KNTC1: variants seen among roughly 807,000 people sequenced by gnomAD.
The protein encoded by KNTC1 is kinetochore associated 1, also known as kinetochore-associated protein 1.
In KNTC1, 253 loss-of-function variants were observed where a neutral mutation model predicts 314.4. The ratio of observed to expected loss-of-function variants is 0.80; its 90% CI spans 0.73 to 0.89. The LOEUF (loss-of-function observed/expected upper bound fraction) is 0.89, where lower values mean the gene tolerates loss of function less well. Ranked by LOEUF, KNTC1 falls within the 40% of genes least tolerant of loss-of-function variation. The probability of loss-of-function intolerance (pLI) is 0.00; values close to 1 mark genes in which losing one functional copy is unlikely to be tolerated. For synonymous variants in KNTC1, 901 were observed against 901.4 expected, an observed-to-expected ratio of 1.00 and a Z score of 0.01; for missense variants, 2,475 against 2,572.9, an observed-to-expected ratio of 0.96 and a Z score of 0.82.
chr12:122,534,901 A>G (rs1961663578), intron 3 of KNTC1, 117 bp downstream of exon 3: 1 of 971,970 alleles, frequency 1.0e-6, no homozygotes, highest in Non-Finnish European at 1.5e-6. Flanking sequence ...AAATTAGACC[A>G]ATTTCAAGTA....
At chr12:122,555,613 G>C (rs1170754192) in intron 16 of KNTC1, among the ~76,000 whole-genome samples, 1 of 151,982 alleles carries the variant, frequency 6.6e-6, no homozygotes, top group Non-Finnish European at 1.5e-5. Context: ...ACCTTGGAAG[G>C]CCAGGGCGGG....
intron 16 of KNTC1, among the ~76,000 whole-genome samples, chr12:122,556,447 T>C (rs1413858236): frequency 6.6e-6 from 1 of 151,538 alleles, no homozygotes; most frequent in East Asian, 1.9e-4. Flanking sequence ...CTCCCGCCCC[T>C]TCCCCTGGGC....
At chr12:122,599,956 C>T (rs1244874471) in intron 44 of KNTC1, among the ~76,000 whole-genome samples, 1 of 152,082 alleles carries the variant, frequency 6.6e-6, no homozygotes, top group Non-Finnish European at 1.5e-5. Context: ...GAGGTCAAGG[C>T]TGCAGTGAGT....
chr12:122,530,997 G>A (rs1455085961), intron 2 of KNTC1, among the ~76,000 whole-genome samples: 1 of 151,548 alleles, frequency 6.6e-6, no homozygotes, highest in Admixed American at 6.6e-5. Context: ...TTAGCTGGGT[G>A]TGGTGGCATG....
chr12:122,554,076 A>AAAAAAATATATATATATATATATAT (rs370146333), intron 16 of KNTC1, among the ~76,000 whole-genome samples: 2 of 109,062 alleles, frequency 1.8e-5, no homozygotes, highest in African/African-American at 7.8e-5. Context: ...AAAAAAAAAA[A>AAAAAAATATATATATATATATATAT]ATATATATAT....
chr12:122,585,085 T>C (rs532017295), intron 36 of KNTC1, 95 bp downstream of exon 36: 6 of 694,344 alleles, frequency 8.6e-6, no homozygotes, highest in Middle Eastern at 3.7e-4. Flanking sequence ...TCACCCAGGC[T>C]GGAGTGCAGT....
rs1870731386 is a variant in KNTC1, at chr12:122,594,293, T to C, written c.4263T>C (p.Val1421=). 1 of 1,604,974 alleles carries C rather than the reference T, an allele frequency of 6.2e-7. No homozygotes were observed. Among genetic ancestry groups the C allele is most frequent in the Non-Finnish European group, 8.5e-7 (1 of 1,172,676 alleles). The change falls in exon 43 of 64, where the codon GTT becomes GTC. Residue 1421 remains valine, a synonymous_variant. Coordinates refer to ENST00000333479, the MANE Select transcript of KNTC1 (RefSeq NM_014708.6). ...ATTTCTAGATTTCTTTTCAACCAGT[T>C]TTCAGGCAACATTTTCTCACCAAGA... ...LGKLGISFQP[V]FRQHFLTKKD... is the part of the protein sequence containing the mutation.
intron 13 of KNTC1, 69 bp downstream of exon 13, chr12:122,549,933 T>C: frequency 4.8e-6 from 4 of 829,996 alleles, no homozygotes; most frequent in Non-Finnish European, 7.8e-6. Flanking sequence ...TAATCAGGGA[T>C]GATTAAAAGC....
At chr12:122,564,321 T>C (rs778633706) in intron 20 of KNTC1, among the ~76,000 whole-genome samples, 17 of 152,138 alleles carry the variant, frequency 1.1e-4, no homozygotes, top group Non-Finnish European at 1.6e-4. Flanking sequence ...TTTCTGATGA[T>C]AGCAACAATA....
At position 122,546,220 on chromosome 12, in the gene KNTC1, C is replaced by T. The variant is rs371966677; in HGVS notation, c.714C>T (p.Ser238=). 1 of 1,609,314 alleles carries T rather than the reference C, an allele frequency of 6.2e-7. No individual in the cohort carries two copies. Among genetic ancestry groups the T allele is most frequent in the African/African-American group, 1.3e-5 (1 of 74,742 alleles). Residue 238 remains serine, a synonymous_variant, in exon 9 of 64, where the codon TCC becomes TCT. Coordinates refer to ENST00000333479, the MANE Select transcript of KNTC1 (RefSeq NM_014708.6). ...CAFSKWEPDS[S]KKGMTVKNLI... Reference sequence around the variant, plus strand: ...TCTCAAAATGGGAACCAGATTCTTCCAAGAAAGGAATGACAGTTAAGAACC... The same window carrying T: ...TCTCAAAATGGGAACCAGATTCTTCTAAGAAAGGAATGACAGTTAAGAACC...
chr12:122,544,879 G>A (rs1962642700), intron 8 of KNTC1, among the ~76,000 whole-genome samples: 1 of 152,190 alleles, frequency 6.6e-6, no homozygotes, highest in Admixed American at 6.5e-5. Context: ...TTAGAGAATG[G>A]TCCTAAAGAG....
intron 18 of KNTC1, 23 bp downstream of exon 18, chr12:122,557,712 T>C (rs1371987336): frequency 6.4e-7 from 1 of 1,574,278 alleles, no homozygotes; most frequent in Admixed American, 1.8e-5. Flanking sequence ...TTTTGTATTT[T>C]GTTTTTTTGG....
Position 122,558,721 on chromosome 12 carries a change from T to C in KNTC1, c.1488+1032T>C, listed in dbSNP as rs949406422. 3.3e-5 allele frequency among the ~76,000 whole-genome samples: 5 copies of C among 150,328 alleles called. No individual in the cohort carries two copies. In the East Asian group the frequency reaches 6.0e-4, roughly 18 times the overall value. On this transcript the variant is annotated intron_variant, in intron 18 of 63. Transcript: ENST00000333479. ...TGAAACCCCATCTCTACTAAAAATA[T>C]AAAAATGAGCTGGGTGTGGTGGTGC... is the stretch of plus-strand genomic sequence containing the variant.
At chr12:122,550,621 G>C (rs922591723) in intron 13 of KNTC1, among the ~76,000 whole-genome samples, 3 of 152,046 alleles carry the variant, frequency 2.0e-5, no homozygotes, top group Non-Finnish European at 4.4e-5. Context: ...TCCTGCTTCA[G>C]CCTCCTGAGT....
rs146677327 is a variant in KNTC1 at position 122,589,940 on chromosome 12, C to T, written c.4000-667C>T. On this transcript the variant is annotated intron_variant, in intron 40 of 63. Transcript: ENST00000333479. ...GTGGGACTACAGGTGCCCACCACCA[C>T]GCCTGGCTAATTTTTGGTATTTTTA... Among the ~76,000 whole-genome samples the T allele has an allele frequency of 7.1e-3, 1,082 of 151,918 alleles. 6 individuals carry two copies. Among genetic ancestry groups the T allele is most frequent in the Non-Finnish European group, 0.011 (762 of 67,948 alleles).
Position 122,538,459 on chromosome 12 carries a change from G to A in KNTC1, c.366+5G>A, listed in dbSNP as rs1280647536. The A allele has an allele frequency of 7.1e-7, 1 of 1,412,984 alleles. No homozygotes were observed. Among genetic ancestry groups the A allele is most frequent in the Non-Finnish European group, 9.7e-7 (1 of 1,028,516 alleles). 87.5% of individuals were successfully genotyped at this position (1,412,984 alleles called of 1,614,324 possible). On this transcript the variant is annotated splice_donor_5th_base_variant and intron_variant, in intron 4 of 63. Coordinates refer to ENST00000333479, the MANE Select transcript of KNTC1 (RefSeq NM_014708.6). ...AAACAAACACTACTCACTAATGTAA[G>A]ATCTTGTTGTATTTTAATTTTCATT...
intron 7 of KNTC1, among the ~76,000 whole-genome samples, 161 bp from the exon 8 acceptor site, chr12:122,543,998 G>A (rs1174539269): frequency 2.7e-5 from 4 of 149,888 alleles, no homozygotes; most frequent in African/African-American, 4.9e-5. Flanking sequence ...GTGGTGAGCC[G>A]AGATTGCGCC....
intron 60 of KNTC1, among the ~76,000 whole-genome samples, chr12:122,621,130 A>G (rs1874387325): frequency 6.6e-6 from 1 of 152,218 alleles, no homozygotes; most frequent in African/African-American, 2.4e-5. Context: ...TGTGGGAGAT[A>G]GAAGAGGGGG....
chr12:122,619,026 GTTTTGTTTTTTGTT>G (rs373238724), intron 59 of KNTC1, among the ~76,000 whole-genome samples: 8 of 150,222 alleles, frequency 5.3e-5, no homozygotes, highest in Non-Finnish European at 1.0e-4. Flanking sequence ...AGCAACACTT[GTTTTGTTTTTTGTT>G]TTTTGTTTTT....
Sources: gnomAD v4.1 joint callset for allele counts (sites outside exome capture counted in the v4.1 genomes callset) on GRCh38, gnomAD v4.1.1 for gene constraint, MANE v1.5 for transcripts, NCBI Gene and HGNC (gene_info 2026-07-23, HGNC 2026-07-21) for gene names.